C1S: variants seen among roughly 807,000 people sequenced by gnomAD.
C1S encodes the protein complement C1s subcomponent.
Under a neutral mutation model 54.0 loss-of-function variants are expected in C1S, and 31 were observed. The observed-to-expected ratio is 0.57, with a 90% CI of 0.43 to 0.78. The LOEUF (loss-of-function observed/expected upper bound fraction) is 0.78. Ranked by LOEUF, C1S falls within the 30% of genes least tolerant of loss-of-function variation. The probability of loss-of-function intolerance (pLI) is 0.00; values close to 1 mark genes in which losing one functional copy is unlikely to be tolerated. For missense variants in C1S, 727 were observed against 851.8 expected, an observed-to-expected ratio of 0.85 and a Z score of 1.82; for synonymous variants, 292 against 303.6, an observed-to-expected ratio of 0.96 and a Z score of 0.40.
intron 11 of C1S, chr12:7,068,936 G>T (rs1057351120): frequency 9.1e-6 from 2 of 219,618 alleles, no homozygotes; most frequent in Admixed American, 5.0e-5. Flanking sequence ...GAATGAGGAA[G>T]ATAAGAGTTG....
Position 7,070,840 on chromosome 12 carries a change from T to G in C1S, c.*189T>G. 1.6e-6 allele frequency: 1 copy of G among 637,618 alleles called. No individual in the cohort carries two copies. Among genetic ancestry groups the G allele is most frequent in the Non-Finnish European group, 2.8e-6 (1 of 358,320 alleles). The allele number at this position is 637,618 out of a possible 1,614,324, so 39.5% of individuals were successfully genotyped here. ...TAGAATTGTGCTGGTCATACATTTG[T>G]GGTCTGACTCCTTGGGGTCCTTTCC... On this transcript the variant is annotated 3_prime_UTR_variant, in exon 12 of 12. Coordinates refer to ENST00000360817, the MANE Select transcript of C1S (RefSeq NM_001734.5). The surrounding 1 kb of genome is among the most constrained non-coding windows in gnomAD (Gnocchi z 4.9).
At position 7,070,327 on chromosome 12, in the gene C1S, C is replaced by T. The variant is rs370482415; in HGVS notation, c.1743C>T (p.Arg581=). ...GRTEKRDRAV[R]LKAARLPVAP... ...CAGAGAAGAGAGATCGTGCTGTTCG[C>T]CTCAAGGCGGCAAGGTTACCTGTAG... Residue 581 remains arginine (R), a synonymous_variant, in exon 12 of 12, where the codon CGC becomes CGT. Transcript: ENST00000360817. The surrounding 1 kb of genome is among the most constrained non-coding windows in gnomAD (Gnocchi z 4.9). The T allele has an allele frequency of 2.8e-5, 46 of 1,614,122 alleles. No homozygotes were observed. The highest frequency in any genetic ancestry group is 3.8e-5 in the Non-Finnish European group (45 of 1,180,054).
chr12:7,069,096 C>A (rs1302171606), intron 11 of C1S, among the ~76,000 whole-genome samples: 1 of 152,048 alleles, frequency 6.6e-6, no homozygotes, highest in Non-Finnish European at 1.5e-5. Flanking sequence ...CTTATCTGAC[C>A]AATGTCAAAT....
chr12:7,069,634 A>G (rs1301675846), intron 11 of C1S, among the ~76,000 whole-genome samples: 1 of 152,192 alleles, frequency 6.6e-6, no homozygotes, highest in African/African-American at 2.4e-5. Context: ...CCTCCGTTTA[A>G]CTGAGCTCTC....
At chr12:7,067,243 G>A in intron 9 of C1S, 126 bp downstream of exon 9, 1 of 755,988 alleles carries the variant, frequency 1.3e-6, no homozygotes, top group Non-Finnish European at 2.3e-6. Flanking sequence ...GTTTTTGAAG[G>A]GAAGCCAGTC....
chr12:7,065,400 A>G, intron 6 of C1S, 101 bp downstream of exon 6: 1 of 861,984 alleles, frequency 1.2e-6, no homozygotes, highest in South Asian at 1.4e-5. Flanking sequence ...CTGTTGCTCA[A>G]GCTGGAGTGC....
chr12:7,062,513 C>T lies in C1S; in HGVS notation c.44C>T (p.Ala15Val), dbSNP rs1555161400. The T allele has an allele frequency of 3.1e-6, 5 of 1,613,640 alleles. No homozygotes were observed. Among genetic ancestry groups the T allele is most frequent in the Non-Finnish European group, 4.2e-6 (5 of 1,180,002 alleles). The stretch of plus-strand genomic sequence containing the variant: ...TTTTCACTTTTGGCATGGGTTTATG[C>T]TGAGCCTACCATGTATGGGGAGATC... ...VLFSLLAWVYAEPTMYGEILS... is the reference protein window; with the variant it reads ...VLFSLLAWVYVEPTMYGEILS... The change falls in exon 3 of 12, where the codon GCT (alanine) becomes GTT (valine). Residue 15 changes from alanine (A) to valine (V), a missense_variant. Physicochemically the swap from Ala to Val is moderately conservative, Grantham distance 64 (BLOSUM62 0). This residue lies in a region of C1S where 357 missense variants were observed against 365.4 expected (regional missense o/e 0.98). Coordinates refer to ENST00000360817, the MANE Select transcript of C1S (RefSeq NM_001734.5).
chr12:7,067,088 A>G lies in C1S; in HGVS notation c.1037A>G (p.Lys346Arg), dbSNP rs1555162394. Residue 346 changes from lysine to arginine, a missense_variant, in exon 9 of 12, where the codon AAG becomes AGG. Lys to Arg is a conservative substitution (Grantham distance 26). This residue lies in a region of C1S where 360 missense variants were observed against 453.6 expected (regional missense o/e 0.79). Transcript: ENST00000360817. ...TATTCGACTTGTCAAAGCAATGGAA[A>G]GTGGAGTAATTCCAAACTGAAATGT... ...SFYSTCQSNGKWSNSKLKCQP... is the reference protein window; with the variant it reads ...SFYSTCQSNGRWSNSKLKCQP... The G allele has an allele frequency of 3.1e-6, 5 of 1,611,264 alleles. No homozygotes were observed.
At chr12:7,063,329 G>C in intron 4 of C1S, 1 of 540,004 alleles carries the variant, frequency 1.9e-6, no homozygotes, top group Non-Finnish European at 3.5e-6. Context: ...GGTATGTATT[G>C]GGGATTGGGG....
chr12:7,067,620 G>A (rs373741230), intron 9 of C1S, 23 bp from the exon 10 acceptor site: 80 of 1,613,036 alleles, frequency 5.0e-5, no homozygotes, highest in South Asian at 1.6e-4. Context: ...CCTGACCATC[G>A]CTCTCCTTCC....
At chr12:7,068,110 C>T (rs1304537457) in intron 10 of C1S, among the ~76,000 whole-genome samples, 1 of 152,214 alleles carries the variant, frequency 6.6e-6, no homozygotes, top group Admixed American at 6.5e-5. Flanking sequence ...CACCAAACTA[C>T]ACTGACTGGC....
rs868913857 is a variant in C1S, at chr12:7,068,901, G to A, written c.1270+371G>A. ...AGTTATTATATTAAAAGTTTATAGG[G>A]CAGCAAGATATAGAGGAATTCAAAG... is the stretch of plus-strand genomic sequence containing the variant. On this transcript the variant is annotated intron_variant, in intron 11 of 11. Coordinates refer to ENST00000360817, the MANE Select transcript of C1S (RefSeq NM_001734.5). The A allele has an allele frequency of 2.0e-4, 51 of 260,082 alleles. No individual in the cohort carries two copies. The Middle Eastern group carries it at 4.1e-3, about 21-fold the overall frequency. The allele number at this position is 260,082 out of a possible 1,614,324, so 16.1% of individuals were successfully genotyped here.
intron 4 of C1S, chr12:7,063,435 A>G (rs1555161606): frequency 2.2e-6 from 1 of 445,578 alleles, no homozygotes; most frequent in South Asian, 1.6e-5. Context: ...TAGGAAAGTT[A>G]ATAACTTGCC....
intron 4 of C1S, among the ~76,000 whole-genome samples, chr12:7,063,601 ACAT>A (rs1353104620): frequency 2.6e-5 from 4 of 152,230 alleles, no homozygotes; most frequent in Admixed American, 6.5e-5. Context: ...AGAAGGACCA[ACAT>A]CATATAAAGC....
chr12:7,061,632 G>A (rs187902024), intron 1 of C1S: 5 of 531,612 alleles, frequency 9.4e-6, no homozygotes, highest in East Asian at 3.3e-5. Flanking sequence ...AAGCAATGAG[G>A]GAAGGATACA....
chr12:7,063,358 C>A, intron 4 of C1S: 1 of 507,668 alleles, frequency 2.0e-6, no homozygotes, highest in South Asian at 1.6e-5. Flanking sequence ...TATTTTAACA[C>A]AATCGTCACT....
Position 7,062,530 on chromosome 12 carries a change from G to A in C1S, c.61G>A (p.Gly21Arg). The change falls in exon 3 of 12, where the codon GGG becomes AGG. Residue 21 changes from glycine (G) to arginine (R), a missense_variant. By Grantham distance (125) the Gly-to-Arg change is moderately radical. This residue lies in a region of C1S where 357 missense variants were observed against 365.4 expected (regional missense o/e 0.98). Transcript: ENST00000360817. The part of the protein sequence containing the change: ...AWVYAEPTMY[G>R]EILSPNYPQA... The stretch of plus-strand genomic sequence containing the variant: ...GGTTTATGCTGAGCCTACCATGTAT[G>A]GGGAGATCCTGTCCCCTAACTATCC... 6.2e-7 allele frequency: 1 copy of A among 1,613,850 alleles called. No individual in the cohort carries two copies. The highest frequency in any genetic ancestry group is 8.5e-7 in the Non-Finnish European group (1 of 1,179,910).
At position 7,062,500 on chromosome 12, in the gene C1S, G is replaced by A; in HGVS notation, c.31G>A (p.Ala11Thr). Residue 11 changes from alanine (A) to threonine (T), a missense_variant, in exon 3 of 12, where the codon GCA becomes ACA. Physicochemically the swap from Ala to Thr is moderately conservative, Grantham distance 58. Around this residue, in one of 3 missense-constraint regions of C1S, gnomAD observed 357 missense variants for 365.4 expected, o/e 0.98. Coordinates refer to ENST00000360817, the MANE Select transcript of C1S (RefSeq NM_001734.5). MWCIVLFSLL[A>T]WVYAEPTMYG... ...GTGCATTGTCCTGTTTTCACTTTTG[G>A]CATGGGTTTATGCTGAGCCTACCAT... is the stretch of plus-strand genomic sequence containing the variant. The A allele has an allele frequency of 6.2e-7, 1 of 1,613,290 alleles. No individual in the cohort carries two copies. Among genetic ancestry groups the A allele is most frequent in the Non-Finnish European group, 8.5e-7 (1 of 1,180,000 alleles).
chr12:7,062,286 A>AAAAAAG (rs1555161359), intron 2 of C1S, 189 bp from the exon 3 acceptor site: 5 of 563,076 alleles, frequency 8.9e-6, no homozygotes, highest in Middle Eastern at 4.8e-4. Context: ...AAAAAAAAAA[A>AAAAAAG]GGGCTCTTGT....
Sources: gnomAD v4.1 joint callset for allele counts (sites outside exome capture counted in the v4.1 genomes callset) on GRCh38, gnomAD v4.1.1 for gene constraint, gnomAD v4.1.1 regional missense constraint, Gnocchi (gnomAD v3.1) non-coding constraint, MANE v1.5 for transcripts, NCBI Gene and HGNC (gene_info 2026-07-23, HGNC 2026-07-21) for gene names.